The following PIWIL3 variants were observed in gnomAD, a reference collection of about 807,000 sequenced individuals.
PIWIL3 encodes piwi-like protein 3.
In PIWIL3, 101 loss-of-function variants were observed where a neutral mutation model predicts 109.7. That is an observed-to-expected ratio of 0.92 (90% CI 0.78 to 1.09). PIWIL3 has a LOEUF of 1.09. Ranked by LOEUF, PIWIL3 falls within the 50% of genes least tolerant of loss-of-function variation. The pLI is 0.00. For synonymous variants in PIWIL3, 373 were observed against 376.4 expected (o/e 0.99, Z 0.10); for missense variants, 1,031 against 1,072.6 (o/e 0.96, Z 0.54).
intron 1 of PIWIL3, among the ~76,000 whole-genome samples, chr22:24,764,670 T>TGTGTGTGTGTA (rs1407710318): frequency 1.8e-5 from 1 of 56,336 alleles, no homozygotes; most frequent in South Asian, 4.9e-4. Flanking sequence ...GTGTGTGTGT[T>TGTGTGTGTGTA]GAGACAGGAT....
chr22:24,743,779 G>T (rs554763677), intron 12 of PIWIL3, among the ~76,000 whole-genome samples: 1 of 151,994 alleles, frequency 6.6e-6, no homozygotes, highest in South Asian at 2.1e-4. Context: ...ACTTATCCAC[G>T]TAACTACCTG....
rs771259692 is a variant in PIWIL3 at position 24,719,836 on chromosome 22, T to C, written c.2417A>G (p.Tyr806Cys). The C allele has an allele frequency of 1.9e-6, 3 of 1,611,286 alleles. No homozygotes were observed. In the Admixed American group the frequency reaches 5.0e-5, roughly 27 times the overall value. The change falls in exon 20 of 21, where the codon TAT becomes TGT. Residue 806 changes from tyrosine to cysteine, a missense_variant. Transcript: ENST00000616349. ...GCCAATCGTGTCATAGATGACGTTA[T>C]AATGAGTGGGGGTAACAGTCCCATC... ...VQDGTVTPTH[Y>C]NVIYDTIGLS...
chr22:24,727,929 TG>T lies in PIWIL3; in HGVS notation c.2009+20del. On this transcript the variant is annotated intron_variant, in intron 16 of 20. Transcript: ENST00000616349. ...TCCACAGTCAGCTACTAACTAAACATGTCTACCAGAGCTTACTTACTTTGTT... is the reference window on the plus strand; with the variant it reads ...TCCACAGTCAGCTACTAACTAAACATTCTACCAGAGCTTACTTACTTTGTT... 1 of 1,573,150 alleles carries T rather than the reference TG, an allele frequency of 6.4e-7. No homozygotes were observed. Among genetic ancestry groups the T allele is most frequent in the Non-Finnish European group, 8.7e-7 (1 of 1,147,282 alleles).
At chr22:24,733,034 A>T (rs1487178482) in intron 14 of PIWIL3, among the ~76,000 whole-genome samples, 1 of 152,244 alleles carries the variant, frequency 6.6e-6, no homozygotes, top group East Asian at 1.9e-4. Flanking sequence ...AACAGGAAGC[A>T]ACACATAAAA....
Position 24,720,430 on chromosome 22 carries a change from C to G in PIWIL3, c.2358-535G>C, listed in dbSNP as rs149555138. Among the ~76,000 whole-genome samples, 892 of 151,962 alleles carry G rather than the reference C, an allele frequency of 5.9e-3. 8 individuals are homozygous for G. Among genetic ancestry groups the G allele is most frequent in the African/African-American group, 0.02 (816 of 41,446 alleles). On this transcript the variant is annotated intron_variant, in intron 19 of 20. Coordinates refer to ENST00000616349, the MANE Select transcript of PIWIL3 (RefSeq NM_001255975.1). ...GGGACTACAGGCGCCCACCACCACA[C>G]CCGGCTAATTTTTTATATTTTTAGT... is the stretch of plus-strand genomic sequence containing the variant.
At chr22:24,765,885 C>T (rs1925758170) in intron 1 of PIWIL3, among the ~76,000 whole-genome samples, 1 of 151,692 alleles carries the variant, frequency 6.6e-6, no homozygotes, top group Admixed American at 6.6e-5. Flanking sequence ...AATGTGAAGA[C>T]ATTTTTTGCT....
chr22:24,742,149 T>A, intron 12 of PIWIL3, among the ~76,000 whole-genome samples: 3 of 51,068 alleles, frequency 5.9e-5, no homozygotes, highest in Non-Finnish European at 1.1e-4. Flanking sequence ...TTACAATAGC[T>A]GCAAAAAAAA....
At chr22:24,724,781 A>C (rs776755732) in intron 18 of PIWIL3, 106 bp downstream of exon 18, 6 of 1,280,306 alleles carry the variant, frequency 4.7e-6, no homozygotes, top group Non-Finnish European at 6.4e-6. Context: ...TATGTTGCCC[A>C]AGCTGGTCTT....
chr22:24,759,812 T>TA, intron 3 of PIWIL3, 57 bp downstream of exon 3: 3 of 1,611,242 alleles, frequency 1.9e-6, no homozygotes, highest in Non-Finnish European at 2.5e-6. Flanking sequence ...ACCGCTGTGG[T>TA]AGCCCTTCAC....
chr22:24,772,779 T>C (rs1303630226), intron 1 of PIWIL3, among the ~76,000 whole-genome samples: 1 of 152,070 alleles, frequency 6.6e-6, no homozygotes, highest in Non-Finnish European at 1.5e-5. Context: ...AGTGTCACAA[T>C]GACATCGGGA....
chr22:24,728,631 AAC>A (rs1195184624), intron 14 of PIWIL3, among the ~76,000 whole-genome samples: 1 of 152,208 alleles, frequency 6.6e-6, no homozygotes, highest in African/African-American at 2.4e-5. Context: ...GTGTAGAAGA[AAC>A]AAATTATAAT....
At chr22:24,736,878 G>C (rs1923689022) in intron 12 of PIWIL3, among the ~76,000 whole-genome samples, 1 of 152,220 alleles carries the variant, frequency 6.6e-6, no homozygotes, top group Admixed American at 6.5e-5. Context: ...GGGAACATTT[G>C]ATTCTGGCCC....
intron 19 of PIWIL3, among the ~76,000 whole-genome samples, chr22:24,722,020 G>T (rs1386438377): frequency 1.3e-5 from 2 of 152,282 alleles, no homozygotes; most frequent in Non-Finnish European, 2.9e-5. Context: ...AGGTTCTTAG[G>T]ATAAGTGTCA....
chr22:24,735,645 T>C (rs566574042), intron 13 of PIWIL3, 63 bp downstream of exon 13: 2 of 1,421,876 alleles, frequency 1.4e-6, no homozygotes, highest in East Asian at 4.7e-5. Flanking sequence ...TTTAATATTT[T>C]AGTTATTATA....
At chr22:24,724,814 T>A in intron 18 of PIWIL3, 73 bp downstream of exon 18, 1 of 1,485,686 alleles carries the variant, frequency 6.7e-7, no homozygotes, top group Non-Finnish European at 9.1e-7. Context: ...TCAAGGGATC[T>A]GCCCACCTTA....
chr22:24,728,130 A>T (rs1313729105), intron 15 of PIWIL3, 47 bp downstream of exon 15: 2 of 1,608,338 alleles, frequency 1.2e-6, no homozygotes, highest in Non-Finnish European at 1.7e-6. Flanking sequence ...GAGAATCTCA[A>T]GTTTTATTAG....
At chr22:24,769,823 A>AAG (rs1470267387) in intron 1 of PIWIL3, 9 of 142,210 alleles carry the variant, frequency 6.3e-5, no homozygotes, top group Non-Finnish European at 1.2e-4. Context: ...ATAATAATAA[A>AAG]TACACCAATA....
intron 16 of PIWIL3, 131 bp from the exon 17 acceptor site, chr22:24,725,646 G>GTA: frequency 1.2e-6 from 1 of 868,554 alleles, no homozygotes; most frequent in Non-Finnish European, 1.8e-6. Context: ...ATATCTCTAC[G>GTA]GAGATCAAAG....
chr22:24,730,342 T>A (rs1923272142), intron 14 of PIWIL3, among the ~76,000 whole-genome samples: 1 of 124,468 alleles, frequency 8.0e-6, no homozygotes, highest in South Asian at 2.7e-4. Flanking sequence ...CCAGCCTGGG[T>A]GACAGAGTGA....
Sources: allele counts gnomAD v4.1 joint callset (sites outside exome capture counted in the v4.1 genomes callset), GRCh38; gene constraint gnomAD v4.1.1; transcripts MANE v1.5; gene names NCBI Gene and HGNC (gene_info 2026-07-23, HGNC 2026-07-21).